The following SEMA3A variants were observed in gnomAD, a reference collection of about 807,000 sequenced individuals.
SEMA3A encodes semaphorin 3A, also known as semaphorin-3A.
SEMA3A carries 29 observed loss-of-function variants against 97.9 expected under a neutral mutation model. The ratio of observed to expected loss-of-function variants is 0.30; its 90% CI spans 0.22 to 0.40. The LOEUF (loss-of-function observed/expected upper bound fraction) is 0.40. Ranked by LOEUF, SEMA3A falls within the 10% of genes least tolerant of loss-of-function variation. The pLI, the probability that SEMA3A is intolerant of heterozygous loss-of-function variation, is 1.00. For synonymous variants in SEMA3A, 321 were observed against 323.7 expected (o/e 0.99, Z 0.09); for missense variants, 763 against 951.3 (o/e 0.80, Z 2.60).
At chr7:84,263,707 G>A (rs970639026) in intron 3 of SEMA3A, among the ~76,000 whole-genome samples, 17 of 152,128 alleles carry the variant, frequency 1.1e-4, no homozygotes, top group East Asian at 3.9e-4. Flanking sequence ...TTCCATGCTC[G>A]TTACTTCCTG....
At chr7:84,099,110 GC>G (rs1353488505) in intron 4 of SEMA3A, among the ~76,000 whole-genome samples, 2 of 43,638 alleles carry the variant, frequency 4.6e-5, no homozygotes, top group African/African-American at 9.8e-5. Context: ...TCGCTCTGTC[GC>G]CCAGGCTGGA....
In SEMA3A at chr7:84,237,993, G is replaced by A. The variant is rs958661475; in HGVS notation, c.-82-43325C>T. On this transcript the variant is annotated intron_variant, in intron 3 of 3. Transcript: ENST00000424555. ...TATGGAGGAATAGCAAGGCTGTATT[G>A]GAAGTACTAAGGAAGCCAGATTTGG... 9.9e-5 allele frequency among the ~76,000 whole-genome samples: 15 copies of A among 152,232 alleles called. No homozygotes were observed. In the South Asian group the frequency reaches 2.5e-3, roughly 25 times the overall value.
chr7:84,247,540 G>T (rs1307801875), intron 3 of SEMA3A, among the ~76,000 whole-genome samples: 2 of 152,112 alleles, frequency 1.3e-5, no homozygotes, highest in Non-Finnish European at 2.9e-5. Flanking sequence ...GTTAAGAAGG[G>T]TTAAGCCAAT....
chr7:84,328,312 A>C (rs373552520), intron 2 of SEMA3A, among the ~76,000 whole-genome samples: 15 of 152,120 alleles, frequency 9.9e-5, no homozygotes, highest in African/African-American at 3.4e-4. Flanking sequence ...ATACCATTTG[A>C]TAAACATACG....
In SEMA3A at chr7:84,325,373, T is replaced by A. The variant is rs185517299; in HGVS notation, c.-168-18081A>T. ...AAAAAGAGAGTGATGAGTGGTGCTG[T>A]TTTAGATCGGAAGGTCAGGGAGAAC... On this transcript the variant is annotated intron_variant, in intron 2 of 3. Coordinates refer to the SEMA3A transcript ENST00000424555. Among the ~76,000 whole-genome samples the A allele has an allele frequency of 1.2e-4, 19 of 152,190 alleles. No homozygotes were observed. The East Asian group carries it at 3.3e-3, about 26-fold the overall frequency.
chr7:84,001,895 T>C lies in SEMA3A; in HGVS notation c.1452+60A>G, dbSNP rs1562965454. 5 of 1,146,052 alleles carry C rather than the reference T, an allele frequency of 4.4e-6. No individual in the cohort carries two copies. The South Asian group carries it at 6.5e-5, about 15-fold the overall frequency. 71.0% of individuals were successfully genotyped at this position (1,146,052 alleles called of 1,614,324 possible). On this transcript the variant is annotated intron_variant, in intron 12 of 16. Coordinates refer to ENST00000265362, the MANE Select transcript of SEMA3A (RefSeq NM_006080.3). ...GTCCATACCAAGTTCAGTGTGCAGC[T>C]GTCCTGGGGGAAAGACGTACAACTG...
chr7:84,423,589 T>A (rs183344230), intron 1 of SEMA3A, among the ~76,000 whole-genome samples: 12 of 152,214 alleles, frequency 7.9e-5, no homozygotes, highest in African/African-American at 2.9e-4. Flanking sequence ...AATAGATAGT[T>A]ATATCATCTA....
At position 84,008,361 on chromosome 7, in the gene SEMA3A, G is replaced by C. The variant is rs1227875613; in HGVS notation, c.996-864C>G. ...AAAAAATTAGCCAGGTGTGGTGGCG[G>C]GTGGCTGTAGTCCCAGCTACTCGGG... On this transcript the variant is annotated intron_variant, in intron 9 of 16. Coordinates refer to ENST00000265362, the MANE Select transcript of SEMA3A (RefSeq NM_006080.3). Among the ~76,000 whole-genome samples, 4 of 151,772 alleles carry C rather than the reference G, an allele frequency of 2.6e-5. No homozygotes were observed. The East Asian group carries it at 7.8e-4, about 29-fold the overall frequency.
intron 1 of SEMA3A, among the ~76,000 whole-genome samples, chr7:84,484,942 T>C (rs540713842): frequency 1.3e-5 from 2 of 152,250 alleles, no homozygotes; most frequent in Non-Finnish European, 2.9e-5. Flanking sequence ...CTTGGCATGT[T>C]TGTACATATT....
chr7:83,985,496 T>C lies in SEMA3A; in HGVS notation c.1453-19A>G. Reference sequence around the variant, plus strand: ...TCGGTTCCTAAAGGAGAAAAAGAAATATGTGAGGTGTTTGGTCAATTAGAA... The same window carrying C: ...TCGGTTCCTAAAGGAGAAAAAGAAACATGTGAGGTGTTTGGTCAATTAGAA... On this transcript the variant is annotated intron_variant, in intron 12 of 16. Transcript: ENST00000265362. The C allele has an allele frequency of 1.2e-6, 2 of 1,606,002 alleles. No homozygotes were observed.
chr7:84,190,493 C>A (rs2116265394), intron 1 of SEMA3A, among the ~76,000 whole-genome samples: 1 of 151,498 alleles, frequency 6.6e-6, no homozygotes, highest in African/African-American at 2.4e-5. Context: ...TTGATAACTT[C>A]TTTGCTCTAT....
At chr7:84,214,061 T>C (rs1798690238) in intron 3 of SEMA3A, among the ~76,000 whole-genome samples, 1 of 152,230 alleles carries the variant, frequency 6.6e-6, no homozygotes, top group South Asian at 2.1e-4. Flanking sequence ...GAATAAACAT[T>C]GCAATTGATT....
chr7:84,188,183 C>T (rs1260165064), intron 1 of SEMA3A, among the ~76,000 whole-genome samples: 6 of 151,908 alleles, frequency 3.9e-5, no homozygotes, highest in African/African-American at 7.2e-5. Flanking sequence ...TTAAATTTTA[C>T]CCTAAGCTTG....
chr7:84,252,778 A>C (rs1799637684), intron 3 of SEMA3A, among the ~76,000 whole-genome samples: 1 of 152,218 alleles, frequency 6.6e-6, no homozygotes, highest in African/African-American at 2.4e-5. Context: ...AATTTATTTT[A>C]AAATGCGAAG....
At chr7:84,241,725 T>C (rs1799369482) in intron 3 of SEMA3A, among the ~76,000 whole-genome samples, 1 of 152,204 alleles carries the variant, frequency 6.6e-6, no homozygotes, top group Non-Finnish European at 1.5e-5. Flanking sequence ...TGAATGGTAT[T>C]GCCTAGGTTT....
chr7:84,153,945 C>A (rs1796756240), intron 1 of SEMA3A, among the ~76,000 whole-genome samples: 1 of 151,984 alleles, frequency 6.6e-6, no homozygotes, highest in Non-Finnish European at 1.5e-5. Flanking sequence ...GGAGACGTTC[C>A]ATAAAACACT....
Position 84,051,506 on chromosome 7 carries a change from CTGTT to C in SEMA3A, c.548-5067_548-5064del, listed in dbSNP as rs879555797. Among the ~76,000 whole-genome samples the C allele has an allele frequency of 4.5e-3, 687 of 152,206 alleles. 1 individual carries two copies. The highest frequency in any genetic ancestry group is 9.1e-3 in the Admixed American group (139 of 15,282). On this transcript the variant is annotated intron_variant, in intron 5 of 16. Transcript: ENST00000265362. ...GGGAGTTCACTCATGATTTGGCTCT[CTGTT>C]TGTCTGTTGATGGTGTATAAGAATG...
chr7:84,361,150 T>C (rs550832157), intron 2 of SEMA3A, among the ~76,000 whole-genome samples: 44 of 152,144 alleles, frequency 2.9e-4, no homozygotes, highest in Admixed American at 2.1e-3. Flanking sequence ...TTGGGAAAAA[T>C]AAGCTAGTTT....
chr7:84,402,484 C>G (rs1803931949), intron 1 of SEMA3A, among the ~76,000 whole-genome samples: 1 of 152,010 alleles, frequency 6.6e-6, no homozygotes, highest in African/African-American at 2.4e-5. Flanking sequence ...TTCATGAATC[C>G]CCCAGCTGGG....
Sources: allele counts gnomAD v4.1 joint callset (sites outside exome capture counted in the v4.1 genomes callset), GRCh38; gene constraint gnomAD v4.1.1; transcripts MANE v1.5; gene names NCBI Gene and HGNC (gene_info 2026-07-23, HGNC 2026-07-21).